PLSCR2: variants seen among roughly 807,000 people sequenced by gnomAD.
The protein encoded by PLSCR2 is phospholipid scramblase 2.
In PLSCR2, 18 loss-of-function variants were observed where a neutral mutation model predicts 25.3. The ratio of observed to expected loss-of-function variants is 0.71; its 90% confidence interval spans 0.49 to 1.06. PLSCR2 has a LOEUF of 1.06. Ranked by LOEUF, PLSCR2 falls within the 50% of genes least tolerant of loss-of-function variation. The pLI, the probability that PLSCR2 is intolerant of heterozygous loss-of-function variation, is 0.00. For missense variants in PLSCR2, 243 were observed against 269.5 expected (o/e 0.90, Z 0.69); for synonymous variants, 88 against 87.3 (o/e 1.01, Z -0.04).
intron 2 of PLSCR2, among the ~76,000 whole-genome samples, chr3:146,400,056 A>C (rs115375447): frequency 1.3e-5 from 2 of 151,940 alleles, no homozygotes; most frequent in Admixed American, 1.3e-4. Flanking sequence ...TCAAGCCACA[A>C]AATATAGGTA....
chr3:146,485,855 T>TA (rs2043321911), intron 1 of PLSCR2, among the ~76,000 whole-genome samples: 1 of 152,078 alleles, frequency 6.6e-6, no homozygotes, highest in African/African-American at 2.4e-5. Context: ...AGTCACGTCT[T>TA]ACATGAATGG....
chr3:146,470,853 A>G (rs1368223714), intron 1 of PLSCR2, among the ~76,000 whole-genome samples: 1 of 152,216 alleles, frequency 6.6e-6, no homozygotes, highest in African/African-American at 2.4e-5. Context: ...ATTACTTGAC[A>G]ATCTCTTTGC....
At chr3:146,486,525 G>A (rs981305951) in intron 1 of PLSCR2, among the ~76,000 whole-genome samples, 1 of 151,828 alleles carries the variant, frequency 6.6e-6, no homozygotes, top group Non-Finnish European at 1.5e-5. Flanking sequence ...CAAACCATCA[G>A]AGAATATTAT....
chr3:146,460,050 TG>T, exon 2 of PLSCR2: 2 of 1,578,980 alleles, frequency 1.3e-6, no homozygotes, highest in Non-Finnish European at 1.7e-6. Flanking sequence ...GTGTCCAGCC[TG>T]GTGCTTAGGG....
At chr3:146,453,770 C>T (rs1234457236) in intron 5 of PLSCR2, among the ~76,000 whole-genome samples, 2 of 152,072 alleles carry the variant, frequency 1.3e-5, no homozygotes, top group East Asian at 1.9e-4. Context: ...AGATGATTTG[C>T]TTATTTTTAT....
At chr3:146,453,203 A>C (rs1023082958) in intron 5 of PLSCR2, among the ~76,000 whole-genome samples, 2 of 152,110 alleles carry the variant, frequency 1.3e-5, no homozygotes, top group African/African-American at 4.8e-5. Flanking sequence ...AGATGTGGGG[A>C]CACTGTCAGA....
intron 5 of PLSCR2, among the ~76,000 whole-genome samples, chr3:146,449,675 G>A (rs1279898713): frequency 6.6e-6 from 1 of 152,026 alleles, no homozygotes; most frequent in Non-Finnish European, 1.5e-5. Flanking sequence ...CAAAATTTAA[G>A]CAGAAAAGGA....
At chr3:146,445,571 C>G (rs1381710139) in intron 6 of PLSCR2, among the ~76,000 whole-genome samples, 1 of 151,826 alleles carries the variant, frequency 6.6e-6, no homozygotes, top group Non-Finnish European at 1.5e-5. Context: ...TTTTAGGATC[C>G]TTTCTTTATC....
chr3:146,465,559 C>G (rs529982326), intron 1 of PLSCR2, among the ~76,000 whole-genome samples: 28 of 143,746 alleles, frequency 1.9e-4, no homozygotes, highest in Admixed American at 1.8e-3. Context: ...TCTCCCGCCA[C>G]ACTCACCCTC....
intron 2 of PLSCR2, among the ~76,000 whole-genome samples, chr3:146,417,558 CTAT>C (rs957507850): frequency 2.6e-5 from 4 of 152,004 alleles, no homozygotes; most frequent in African/African-American, 4.8e-5. Flanking sequence ...ACTTAAGTTA[CTAT>C]TATTATTATT....
chr3:146,443,510 T>G (rs2040371990), intron 6 of PLSCR2, among the ~76,000 whole-genome samples: 1 of 151,996 alleles, frequency 6.6e-6, no homozygotes, highest in Non-Finnish European at 1.5e-5. Context: ...GTCTAGAAAT[T>G]TATCCATTTG....
intron 2 of PLSCR2, among the ~76,000 whole-genome samples, chr3:146,411,335 G>A (rs2038841935): frequency 6.6e-6 from 1 of 152,118 alleles, no homozygotes; most frequent in Non-Finnish European, 1.5e-5. Flanking sequence ...GTCAAAAGAG[G>A]GATGCCCTCA....
rs573137980 is a variant in PLSCR2, at chr3:146,478,086, C to T, written c.-292-17802G>A. Among the ~76,000 whole-genome samples, 5 of 152,262 alleles carry T rather than the reference C, an allele frequency of 3.3e-5. No homozygotes were observed. The East Asian group carries it at 9.7e-4, about 29-fold the overall frequency. ...AACATCAACAAAAAGGACATCTACACCAAAACCCCATCTGTAGGTCACCAA... is the reference window on the plus strand; with the variant it reads ...AACATCAACAAAAAGGACATCTACATCAAAACCCCATCTGTAGGTCACCAA... On this transcript the variant is annotated intron_variant, in intron 1 of 8. Coordinates refer to the PLSCR2 transcript ENST00000336685.
At chr3:146,460,322 T>C (rs1576681237) in exon 1 of PLSCR2, 1 of 638,918 alleles carries the variant, frequency 1.6e-6, no homozygotes. Flanking sequence ...ACTTTTACTA[T>C]GTAAAACTCA....
intron 1 of PLSCR2, among the ~76,000 whole-genome samples, chr3:146,466,247 T>C (rs2041861331): frequency 6.9e-6 from 1 of 145,188 alleles, no homozygotes; most frequent in South Asian, 2.2e-4. Flanking sequence ...ATCTCAGCTC[T>C]GCAACCTCTG....
chr3:146,459,811 T>G, intron 2 of PLSCR2, 37 bp downstream of exon 2: 2 of 1,422,796 alleles, frequency 1.4e-6, no homozygotes, highest in East Asian at 4.6e-5. Flanking sequence ...AAGAGAGTTT[T>G]TTTTTTTTTC....
At chr3:146,404,118 C>G (rs533012866) in intron 2 of PLSCR2, among the ~76,000 whole-genome samples, 1 of 152,206 alleles carries the variant, frequency 6.6e-6, no homozygotes, top group African/African-American at 2.4e-5. Flanking sequence ...GTAGGGACCA[C>G]ATGCATCAGG....
At position 146,425,593 on chromosome 3, in the gene PLSCR2, C is replaced by T. The variant is rs555503509; in HGVS notation, c.101-29672G>A. 3.6e-4 allele frequency among the ~76,000 whole-genome samples: 55 copies of T among 152,110 alleles called. 2 individuals carry two copies. The South Asian group carries it at 9.5e-3, about 26-fold the overall frequency. ...AGTAGCTTTGGAATTTGGCAATGGG[C>T]CAGGCTGAAAGGATTCTGGGGAGTA... On this transcript the variant is annotated intron_variant and NMD_transcript_variant, in intron 2 of 3. Coordinates refer to the PLSCR2 transcript ENST00000463633.
chr3:146,432,921 T>G (rs1172393382), downstream of PLSCR2, among the ~76,000 whole-genome samples: 3 of 152,212 alleles, frequency 2.0e-5, no homozygotes, highest in Non-Finnish European at 4.4e-5. Context: ...ATGTCTTGAT[T>G]GCAAATAAAT....
Sources: gnomAD v4.1 joint callset for allele counts (sites outside exome capture counted in the v4.1 genomes callset) on GRCh38, gnomAD v4.1.1 for gene constraint, MANE v1.5 for transcripts, NCBI Gene and HGNC (gene_info 2026-07-23, HGNC 2026-07-21) for gene names.